TAFA2: variants seen among roughly 807,000 people sequenced by gnomAD.
TAFA2 encodes the protein chemokine-like protein TAFA-2.
TAFA2 carries 7 observed loss-of-function variants against 18.8 expected under a neutral mutation model. The ratio of observed to expected loss-of-function variants is 0.37; its 90% CI spans 0.21 to 0.70. The LOEUF is 0.70. TAFA2 is among the 30% of genes least tolerant of loss of function. The pLI, the probability that TAFA2 is intolerant of heterozygous loss-of-function variation, is 0.53. For synonymous variants in TAFA2, 60 were observed against 54.2 expected, an observed-to-expected ratio of 1.11 and a Z score of -0.47; for missense variants, 122 against 158.1, an observed-to-expected ratio of 0.77 and a Z score of 1.23.
chr12:61,717,885 G>C (rs180830037), intron 4 of TAFA2, among the ~76,000 whole-genome samples: 49 of 152,192 alleles, frequency 3.2e-4, no homozygotes, highest in African/African-American at 1.2e-3. Flanking sequence ...CCTGAAACTT[G>C]AGTTTTTATC....
chr12:62,239,920 G>C (rs2062854421), intron 1 of TAFA2, among the ~76,000 whole-genome samples: 1 of 152,024 alleles, frequency 6.6e-6, no homozygotes, highest in African/African-American at 2.4e-5. Flanking sequence ...CTTTCAAGTG[G>C]GTTGTTACGC....
chr12:62,026,025 C>T (rs900416884), intron 1 of TAFA2, among the ~76,000 whole-genome samples: 1 of 151,838 alleles, frequency 6.6e-6, no homozygotes, highest in Admixed American at 6.6e-5. Context: ...ATGCAGGAAC[C>T]CAATCAATGA....
At chr12:61,879,277 C>T (rs534468988) in intron 1 of TAFA2, 20 of 425,448 alleles carry the variant, frequency 4.7e-5, no homozygotes, top group African/African-American at 1.2e-4. Context: ...CTCGAATCTC[C>T]GCCTGGTTGG....
chr12:61,855,463 C>T (rs755087378), intron 2 of TAFA2, among the ~76,000 whole-genome samples: 5 of 152,106 alleles, frequency 3.3e-5, no homozygotes, highest in Non-Finnish European at 7.4e-5. Context: ...ATTAAGGAAG[C>T]TGAATTCAAA....
At chr12:61,844,074 A>AT (rs371227786) in intron 2 of TAFA2, among the ~76,000 whole-genome samples, 306 of 152,280 alleles carry the variant, frequency 2.0e-3, no homozygotes, top group African/African-American at 6.5e-3. Context: ...GAGAGGTGGT[A>AT]TTTTAAAAGA....
At chr12:62,187,888 C>T (rs1010150611) in intron 1 of TAFA2, among the ~76,000 whole-genome samples, 8 of 152,040 alleles carry the variant, frequency 5.3e-5, no homozygotes, top group South Asian at 2.1e-4. Context: ...TCTTCTCTTT[C>T]GATGGAATAA....
At chr12:62,057,814 T>C (rs191551) in intron 1 of TAFA2, among the ~76,000 whole-genome samples, 54,711 of 151,964 alleles carry the variant, frequency 0.36, 10,031 homozygotes, top group African/African-American at 0.41. Context: ...CCACACTAAT[T>C]AGACATTGTT....
At chr12:62,015,991 T>G (rs928402162) in intron 1 of TAFA2, among the ~76,000 whole-genome samples, 1 of 152,212 alleles carries the variant, frequency 6.6e-6, no homozygotes, top group African/African-American at 2.4e-5. Flanking sequence ...ACAACGTTAA[T>G]AGATGTAATG....
At chr12:61,808,498 G>C (rs547299486) in intron 2 of TAFA2, among the ~76,000 whole-genome samples, 1 of 151,514 alleles carries the variant, frequency 6.6e-6, no homozygotes, top group East Asian at 1.9e-4. Context: ...AATACCTGTA[G>C]TAACTCCATG....
chr12:62,060,647 G>A (rs1241115143), intron 1 of TAFA2, among the ~76,000 whole-genome samples: 1 of 152,166 alleles, frequency 6.6e-6, no homozygotes, highest in Non-Finnish European at 1.5e-5. Flanking sequence ...TCCAGAAGAA[G>A]ACATTGATAT....
At chr12:61,866,650 T>C (rs1252146547) in intron 2 of TAFA2, among the ~76,000 whole-genome samples, 1 of 152,192 alleles carries the variant, frequency 6.6e-6, no homozygotes, top group Non-Finnish European at 1.5e-5. Flanking sequence ...TTAACACATA[T>C]GTATAGAGCA....
chr12:62,109,092 C>T (rs1196693508), intron 1 of TAFA2, among the ~76,000 whole-genome samples: 5 of 152,244 alleles, frequency 3.3e-5, no homozygotes, highest in African/African-American at 4.8e-5. Context: ...AGGTTTTCTT[C>T]TAGGATTTTT....
At chr12:62,040,736 A>G (rs145767366) in intron 1 of TAFA2, among the ~76,000 whole-genome samples, 80 of 152,274 alleles carry the variant, frequency 5.3e-4, no homozygotes, top group African/African-American at 1.9e-3. Context: ...GCTAACACGA[A>G]TATTTACAGG....
Position 61,710,207 on chromosome 12 carries a change from C to T in TAFA2, c.*199G>A. 1.8e-6 allele frequency: 1 copy of T among 557,942 alleles called. No individual in the cohort carries two copies. Among genetic ancestry groups the T allele is most frequent in the Non-Finnish European group, 3.2e-6 (1 of 310,550 alleles). 34.6% of individuals were successfully genotyped at this position (557,942 alleles called of 1,614,324 possible). A position where few individuals can be genotyped will look rare whatever the true frequency, so the allele number is the denominator to read the frequency against. On this transcript the variant is annotated 3_prime_UTR_variant, in exon 5 of 5. Transcript: ENST00000416284. ...GAACACAGTTCAAATCTGCTGAAAT[C>T]TTCATGACATGCAAGTTCATGTCTG... is the stretch of plus-strand genomic sequence containing the variant.
intron 1 of TAFA2, among the ~76,000 whole-genome samples, chr12:61,941,832 C>T (rs1279062271): frequency 3.9e-5 from 6 of 152,206 alleles, no homozygotes; most frequent in African/African-American, 9.6e-5. Context: ...ATTGCTAGCA[C>T]AGCAGTCTGA....
intron 1 of TAFA2, among the ~76,000 whole-genome samples, chr12:62,098,196 T>A (rs1363637024): frequency 6.6e-6 from 1 of 152,046 alleles, no homozygotes; most frequent in Non-Finnish European, 1.5e-5. Flanking sequence ...ATGCAAACAC[T>A]TAGATGCATT....
intron 1 of TAFA2, among the ~76,000 whole-genome samples, chr12:61,976,345 A>G (rs1042405553): frequency 1.3e-5 from 2 of 151,930 alleles, no homozygotes; most frequent in Admixed American, 6.6e-5. Flanking sequence ...TTCATTAAAC[A>G]TATCCATTAT....
chr12:62,159,202 T>G (rs1211721009), intron 1 of TAFA2, among the ~76,000 whole-genome samples: 1 of 152,194 alleles, frequency 6.6e-6, no homozygotes, highest in Non-Finnish European at 1.5e-5. Flanking sequence ...CTTAAAGCAT[T>G]GCCACATGCA....
chr12:61,799,471 TCGAAG>T (rs1327781820), intron 2 of TAFA2, among the ~76,000 whole-genome samples: 2 of 152,124 alleles, frequency 1.3e-5, no homozygotes, highest in Non-Finnish European at 2.9e-5. Context: ...AAGACTACTA[TCGAAG>T]TCTCACCATA....
Sources: allele counts gnomAD v4.1 joint callset (sites outside exome capture counted in the v4.1 genomes callset), GRCh38; gene constraint gnomAD v4.1.1; transcripts MANE v1.5; gene names NCBI Gene and HGNC (gene_info 2026-07-23, HGNC 2026-07-21).